The following DHDDS variants were observed in gnomAD, a reference collection of about 807,000 sequenced individuals.
The protein encoded by DHDDS is dehydrodolichyl diphosphate synthase subunit, also known as dehydrodolichyl diphosphate synthase complex subunit DHDDS.
Under a neutral mutation model 46.2 loss-of-function variants are expected in DHDDS, and 16 were observed. The observed-to-expected ratio is 0.35, with a 90% CI of 0.23 to 0.53. The LOEUF (loss-of-function observed/expected upper bound fraction) is 0.53. Among genes scored for constraint, DHDDS ranks in the 20% least tolerant of loss-of-function variants. The pLI is 0.94. For missense variants in DHDDS, 340 were observed against 423.7 expected, an observed-to-expected ratio of 0.80 and a Z score of 1.73; for synonymous variants, 151 against 163.1, an observed-to-expected ratio of 0.93 and a Z score of 0.56.
intron 6 of DHDDS, among the ~76,000 whole-genome samples, chr1:26,450,480 C>A (rs919066495): frequency 2.0e-5 from 3 of 152,042 alleles, no homozygotes; most frequent in Non-Finnish European, 4.4e-5. Flanking sequence ...GAAGAAAGAG[C>A]CTAAGATGGC....
chr1:26,446,109 CCTAT>C (rs1261408396), intron 4 of DHDDS, among the ~76,000 whole-genome samples: 1 of 152,128 alleles, frequency 6.6e-6, no homozygotes, highest in African/African-American at 2.4e-5. Context: ...CTGGGCAGTC[CCTAT>C]CTGACTGTCC....
chr1:26,448,499 A>T (rs1326412721), intron 6 of DHDDS: 1 of 152,558 alleles, frequency 6.6e-6, no homozygotes, highest in Admixed American at 6.5e-5. Flanking sequence ...AAAGAAAATT[A>T]TTAATTATTG....
chr1:26,438,665 G>A lies in DHDDS; in HGVS notation c.180+381G>A, dbSNP rs888484039. 6.9e-6 allele frequency: 2 copies of A among 289,366 alleles called. 1 individual carries two copies. The allele number at this position is 289,366 out of a possible 1,614,324, so 17.9% of individuals were successfully genotyped here. On this transcript the variant is annotated intron_variant, in intron 3 of 8. Transcript: ENST00000236342. ...ATCTGAGCCCAGGAAGCTTGAGGCT[G>A]CAGTGAATAGAGATTGTGCCCCTGT...
At chr1:26,468,815 C>T in intron 8 of DHDDS, 80 bp from the exon 9 acceptor site, 2 of 1,418,274 alleles carry the variant, frequency 1.4e-6, no homozygotes, top group Admixed American at 1.9e-5. Flanking sequence ...CCCTGTGCCC[C>T]ACCCCCTACC....
chr1:26,469,049 A>G lies in DHDDS; in HGVS notation c.920A>G (p.Glu307Gly). The change falls in exon 9 of 9, where the codon GAA becomes GGA. Residue 307 changes from glutamate to glycine, a missense_variant. Glu to Gly is a moderately conservative substitution (Grantham distance 98). This residue lies in a region of DHDDS where 268 missense variants were observed against 300.3 expected (regional missense o/e 0.89). Coordinates refer to ENST00000236342, the MANE Select transcript of DHDDS (RefSeq NM_205861.3). The part of the protein sequence containing the change: ...TRLHKLSARR[E>G]ERVQGFLQAL... ...TTGCACAAACTCTCGGCCAGACGGGAAGAGCGAGTCCAAGGCTTCCTGCAG... is the reference window on the plus strand; with the variant it reads ...TTGCACAAACTCTCGGCCAGACGGGGAGAGCGAGTCCAAGGCTTCCTGCAG... The G allele has an allele frequency of 1.2e-6, 2 of 1,613,912 alleles. No homozygotes were observed. The highest frequency in any genetic ancestry group is 1.7e-6 in the Non-Finnish European group (2 of 1,180,036).
chr1:26,441,353 C>T (rs562811688), intron 3 of DHDDS, among the ~76,000 whole-genome samples: 95 of 152,068 alleles, frequency 6.2e-4, no homozygotes, highest in African/African-American at 2.2e-3. Context: ...TGTGCGCCAC[C>T]GCACCCAGCT....
At chr1:26,463,992 CTTTTTTTTTTT>C (rs60149042) in intron 8 of DHDDS, among the ~76,000 whole-genome samples, 1 of 93,768 alleles carries the variant, frequency 1.1e-5, no homozygotes, top group South Asian at 3.7e-4. Context: ...TATTTGCAAA[CTTTTTTTTTTT>C]TTTTTTTTTT....
intron 2 of DHDDS, among the ~76,000 whole-genome samples, chr1:26,433,531 C>T (rs2075123647): frequency 6.6e-6 from 1 of 151,918 alleles, no homozygotes; most frequent in Non-Finnish European, 1.5e-5. Context: ...CACCTGTAGT[C>T]CCAGCTACTC....
intron 6 of DHDDS, 33 bp downstream of exon 6, chr1:26,447,693 A>G: frequency 6.3e-7 from 1 of 1,585,438 alleles, no homozygotes; most frequent in Non-Finnish European, 8.7e-7. Flanking sequence ...GTAATTGTTA[A>G]GGAAAACAGG....
chr1:26,463,992 CTTTTTTTTTT>C (rs60149042), intron 8 of DHDDS, among the ~76,000 whole-genome samples: 2 of 93,768 alleles, frequency 2.1e-5, no homozygotes, highest in East Asian at 6.3e-4. Context: ...TATTTGCAAA[CTTTTTTTTTT>C]TTTTTTTTTT....
At chr1:26,460,210 A>G in intron 8 of DHDDS, 66 bp downstream of exon 8, 4 of 1,270,762 alleles carry the variant, frequency 3.1e-6, no homozygotes. Flanking sequence ...TTGATTGACA[A>G]CCACCTTACT....
chr1:26,458,116 T>C (rs908960611), intron 7 of DHDDS, among the ~76,000 whole-genome samples: 2 of 152,192 alleles, frequency 1.3e-5, no homozygotes, highest in South Asian at 4.1e-4. Flanking sequence ...AATCCAACTA[T>C]AGTGAAAACT....
At chr1:26,461,481 G>A (rs2075421912) in intron 8 of DHDDS, among the ~76,000 whole-genome samples, 2 of 151,696 alleles carry the variant, frequency 1.3e-5, no homozygotes, top group African/African-American at 4.8e-5. Flanking sequence ...CGCCTCCCGG[G>A]TTCAAGTGAT....
intron 6 of DHDDS, chr1:26,454,590 G>C (rs1557445018): frequency 4.0e-5 from 26 of 654,246 alleles, no homozygotes; most frequent in Non-Finnish European, 5.2e-5. Flanking sequence ...AATGGGCCCT[G>C]TTTTTTTTTT....
In DHDDS at chr1:26,469,716, A is replaced by C; in HGVS notation, c.*585A>C. The C allele has an allele frequency of 5.8e-6, 1 of 173,034 alleles. No individual in the cohort carries two copies. Among genetic ancestry groups the C allele is most frequent in the Non-Finnish European group, 1.3e-5 (1 of 78,476 alleles). The allele number at this position is 173,034 out of a possible 1,614,324, so 10.7% of individuals were successfully genotyped here. A position where few individuals can be genotyped will look rare whatever the true frequency, so the allele number is the denominator to read the frequency against. Reference sequence around the variant, plus strand: ...TACCCTCTCCCACCACACAGTACTGATTGCTCACTGAAAGACTCAGCACCC... The same window carrying C: ...TACCCTCTCCCACCACACAGTACTGCTTGCTCACTGAAAGACTCAGCACCC... On this transcript the variant is annotated 3_prime_UTR_variant, in exon 9 of 9. Transcript: ENST00000236342.
chr1:26,442,758 A>C lies in DHDDS; in HGVS notation c.208A>C (p.Ile70Leu), dbSNP rs1253678123. Reference protein sequence around the residue: ...ETLRWCLNLGILEVTVYAFSI... With the variant: ...ETLRWCLNLGLLEVTVYAFSI... ...TCTGCGGTGGTGTTTGAACCTGGGC[A>C]TCCTAGAGGTGACAGTCTACGCATT... Residue 70 changes from isoleucine to leucine, a missense_variant, in exon 4 of 9, where the codon ATC (isoleucine) becomes CTC (leucine). By Grantham distance (5) the Ile-to-Leu change is conservative. This residue lies in a region of DHDDS where 72 missense variants were observed against 123.5 expected (regional missense o/e 0.58). Transcript: ENST00000236342. 6.2e-7 allele frequency: 1 copy of C among 1,614,094 alleles called. No homozygotes were observed. The highest frequency in any genetic ancestry group is 8.5e-7 in the Non-Finnish European group (1 of 1,180,020).
At chr1:26,432,417 T>G in intron 1 of DHDDS, 41 bp downstream of exon 1, 1 of 166,380 alleles carries the variant, frequency 6.0e-6, no homozygotes, top group Non-Finnish European at 1.3e-5. Context: ...GAGAAGAGGG[T>G]GACTGGGCGG....
chr1:26,450,933 T>C (rs1364661563), intron 6 of DHDDS, among the ~76,000 whole-genome samples: 1 of 152,188 alleles, frequency 6.6e-6, no homozygotes, highest in African/African-American at 2.4e-5. Context: ...GACACTAGAA[T>C]GAAAGAAAGC....
At chr1:26,462,168 C>T (rs902490732) in intron 8 of DHDDS, among the ~76,000 whole-genome samples, 1 of 151,446 alleles carries the variant, frequency 6.6e-6, no homozygotes. Flanking sequence ...TATGGGCACA[C>T]ACCACCATGC....
Sources: gnomAD v4.1 joint callset for allele counts (sites outside exome capture counted in the v4.1 genomes callset) on GRCh38, gnomAD v4.1.1 for gene constraint, gnomAD v4.1.1 regional missense constraint, MANE v1.5 for transcripts, NCBI Gene and HGNC (gene_info 2026-07-23, HGNC 2026-07-21) for gene names.